The following JAK1 variants were observed in gnomAD, a reference collection of about 807,000 sequenced individuals.
JAK1 encodes Janus kinase 1, also known as tyrosine-protein kinase JAK1.
In JAK1, 16 loss-of-function variants were observed where a neutral mutation model predicts 136.6. That is an observed-to-expected ratio of 0.12 (90% CI 0.08 to 0.18). JAK1 has a LOEUF of 0.18. JAK1 is among the 10% of genes least tolerant of loss of function. The pLI is 1.00. For missense variants in JAK1, 859 were observed against 1,450.1 expected, an observed-to-expected ratio of 0.59 and a Z score of 6.62; for synonymous variants, 492 against 519.5, an observed-to-expected ratio of 0.95 and a Z score of 0.72.
intron 1 of JAK1, among the ~76,000 whole-genome samples, chr1:65,050,273 A>T (rs1647248594): frequency 6.6e-6 from 1 of 152,224 alleles, no homozygotes; most frequent in African/African-American, 2.4e-5. Flanking sequence ...AGACATTAAA[A>T]ATATGCACCC....
At chr1:65,063,150 G>A (rs151192434) in intron 1 of JAK1, among the ~76,000 whole-genome samples, 261 of 152,282 alleles carry the variant, frequency 1.7e-3, no homozygotes, top group African/African-American at 6.2e-3. Context: ...TTGGTGGGGA[G>A]GGGGACAGAA....
chr1:64,965,276 G>T (rs76454749), intron 1 of JAK1, among the ~76,000 whole-genome samples: 9,444 of 152,180 alleles, frequency 0.062, 434 homozygotes, highest in South Asian at 0.1. Context: ...GACTTGGGGG[G>T]AAAAGTGTCA....
At chr1:65,045,337 G>C (rs1001782702) in intron 1 of JAK1, among the ~76,000 whole-genome samples, 1 of 152,096 alleles carries the variant, frequency 6.6e-6, no homozygotes, top group African/African-American at 2.4e-5. Context: ...CTCCTTTTCT[G>C]CTTAGGTAAT....
chr1:64,857,570 G>T, intron 10 of JAK1, 86 bp downstream of exon 10: 1 of 1,545,468 alleles, frequency 6.5e-7, no homozygotes, highest in Non-Finnish European at 8.8e-7. Flanking sequence ...TGCCAAGGGT[G>T]GTTCTGTCTG....
intron 1 of JAK1, among the ~76,000 whole-genome samples, chr1:64,912,563 T>A (rs1645302305): frequency 1.3e-5 from 2 of 152,254 alleles, no homozygotes; most frequent in African/African-American, 4.8e-5. Context: ...AAAGCTGATA[T>A]TTGCTAAGCA....
intron 9 of JAK1, 99 bp downstream of exon 9, chr1:64,860,006 A>T: frequency 9.8e-7 from 1 of 1,023,058 alleles, no homozygotes; most frequent in African/African-American, 1.6e-5. Flanking sequence ...ACCAGGCAGC[A>T]TGGTCAACTG....
intron 2 of JAK1, chr1:64,993,312 T>G (rs1215433026): frequency 6.6e-6 from 1 of 152,274 alleles, no homozygotes; most frequent in Non-Finnish European, 1.5e-5. Context: ...CTCTCCTGTG[T>G]GCCATGGACG....
intron 2 of JAK1, among the ~76,000 whole-genome samples, chr1:65,036,757 C>T (rs746890948): frequency 3.9e-5 from 6 of 152,090 alleles, no homozygotes; most frequent in Non-Finnish European, 8.8e-5. Context: ...AACTGAGTTG[C>T]CCAATAACTA....
At chr1:64,994,805 A>G (rs1263476970) in intron 2 of JAK1, among the ~76,000 whole-genome samples, 1 of 152,152 alleles carries the variant, frequency 6.6e-6, no homozygotes, top group African/African-American at 2.4e-5. Context: ...CTTGGTTCTC[A>G]TATGGGTGGG....
intron 9 of JAK1, chr1:64,859,830 T>G: frequency 8.2e-6 from 2 of 244,368 alleles, no homozygotes; most frequent in Non-Finnish European, 1.6e-5. Flanking sequence ...TCAGAAAGTG[T>G]AGTACTTCTT....
chr1:64,960,616 C>G (rs890807639), intron 1 of JAK1, among the ~76,000 whole-genome samples: 3 of 152,178 alleles, frequency 2.0e-5, no homozygotes, highest in Non-Finnish European at 2.9e-5. Flanking sequence ...TCAACCTTCT[C>G]TCGCAGCTCA....
At chr1:64,873,695 C>A (rs541934706) in intron 4 of JAK1, among the ~76,000 whole-genome samples, 172 bp from the exon 5 acceptor site, 2 of 152,278 alleles carry the variant, frequency 1.3e-5, no homozygotes, top group South Asian at 4.1e-4. Context: ...ACTAGCGCTG[C>A]GTGAGAAGTG....
intron 24 of JAK1, among the ~76,000 whole-genome samples, 149 bp downstream of exon 24, chr1:64,835,242 GTTATC>G (rs1467651647): frequency 1.3e-5 from 2 of 152,204 alleles, no homozygotes; most frequent in African/African-American, 2.4e-5. Context: ...CGATTTCTCA[GTTATC>G]TTATGTGAAA....
At chr1:64,873,139 G>A (rs2101156463) in intron 5 of JAK1, among the ~76,000 whole-genome samples, 1 of 152,150 alleles carries the variant, frequency 6.6e-6, no homozygotes, top group East Asian at 1.9e-4. Context: ...AAAGGAATAG[G>A]AAAGAAAGGA....
intron 2 of JAK1, among the ~76,000 whole-genome samples, chr1:64,974,976 C>T (rs1646485456): frequency 6.6e-6 from 1 of 151,914 alleles, no homozygotes; most frequent in South Asian, 2.1e-4. Flanking sequence ...ATGATGCAAT[C>T]TCGGCCCACT....
At chr1:64,971,215 T>C (rs1006877890), upstream of JAK1, among the ~76,000 whole-genome samples, 10 of 152,256 alleles carry the variant, frequency 6.6e-5, no homozygotes, top group Admixed American at 6.5e-4. Context: ...CTTCCCATTA[T>C]CTTTTTCCAC....
chr1:64,945,657 G>C lies in JAK1; in HGVS notation c.-78+20676C>G, dbSNP rs111897433. On this transcript the variant is annotated intron_variant, in intron 1 of 24. Coordinates refer to ENST00000342505, the MANE Select transcript of JAK1 (RefSeq NM_002227.4). ...ATGAGAAGAGCACTTAAGGAAACAG[G>C]GAACGAAGTTGACGGACAAACAAAA... Among the ~76,000 whole-genome samples the C allele has an allele frequency of 1.3e-4, 19 of 145,182 alleles. 1 individual carries two copies. Among genetic ancestry groups the C allele is most frequent in the African/African-American group, 4.8e-4 (18 of 37,146 alleles).
At chr1:64,843,651 CTTATT>C (rs1382896360) in intron 17 of JAK1, among the ~76,000 whole-genome samples, 3 of 152,174 alleles carry the variant, frequency 2.0e-5, no homozygotes, top group Non-Finnish European at 2.9e-5. Context: ...AGGCCTGTAT[CTTATT>C]TTATAGTGAA....
In JAK1 at chr1:64,844,617, A is replaced by G. The variant is rs970018075; in HGVS notation, c.2251+137T>C. 39 of 1,016,086 alleles carry G rather than the reference A, an allele frequency of 3.8e-5. No individual in the cohort carries two copies. In the East Asian group the frequency reaches 6.9e-4, roughly 18 times the overall value. The allele number at this position is 1,016,086 out of a possible 1,614,324, so 62.9% of individuals were successfully genotyped here. On this transcript the variant is annotated intron_variant, in intron 16 of 24. Coordinates refer to ENST00000342505, the MANE Select transcript of JAK1 (RefSeq NM_002227.4). The surrounding 1 kb of genome is among the most constrained non-coding windows in gnomAD (Gnocchi z 5.7). Reference sequence around the variant, plus strand: ...GGAGATCAAGACCATCCTGGCCAACATGGTGAAACCCCGTCTCTACTAAAA... The same window carrying G: ...GGAGATCAAGACCATCCTGGCCAACGTGGTGAAACCCCGTCTCTACTAAAA...
Sources: gnomAD v4.1 joint callset for allele counts (sites outside exome capture counted in the v4.1 genomes callset) on GRCh38, gnomAD v4.1.1 for gene constraint, Gnocchi (gnomAD v3.1) non-coding constraint, MANE v1.5 for transcripts, NCBI Gene and HGNC (gene_info 2026-07-23, HGNC 2026-07-21) for gene names.